Variants in ZNF362 observed in about 807,000 individuals in gnomAD.
The protein encoded by ZNF362 is rotund homolog.
A neutral mutation model predicts 42.9 loss-of-function variants in ZNF362; 11 were observed. That is an observed-to-expected ratio of 0.26 (90% CI 0.16 to 0.42). ZNF362 has a LOEUF of 0.42. ZNF362 is among the 20% of genes least tolerant of loss of function. The probability of loss-of-function intolerance (pLI) is 1.00; values close to 1 mark genes in which losing one functional copy is unlikely to be tolerated. For missense variants in ZNF362, 362 were observed against 576.2 expected (o/e 0.63, Z 3.81); for synonymous variants, 255 against 257.3 (o/e 0.99, Z 0.09).
chr1:33,294,073 G>A lies in ZNF362; in HGVS notation c.909-864G>A, dbSNP rs1031318847. On this transcript the variant is annotated intron_variant, in intron 6 of 8. Transcript: ENST00000539719. The surrounding 1 kb of genome is among the most constrained non-coding windows in gnomAD (Gnocchi z 4.2). ...CCAGGCAGTGGCTTTTGTCTGTTTT[G>A]TTCATGATATATTCCAAATACCTAG... Among the ~76,000 whole-genome samples the A allele has an allele frequency of 1.2e-4, 19 of 152,046 alleles. No individual in the cohort carries two copies. Among genetic ancestry groups the A allele is most frequent in the African/African-American group, 4.6e-4 (19 of 41,390 alleles).
chr1:33,197,400 C>T, the ZNF362 span, among the ~76,000 whole-genome samples: 2 of 152,076 alleles, frequency 1.3e-5, no homozygotes, highest in Admixed American at 6.6e-5. Flanking sequence ...TCTGGAGAAC[C>T]CTGACTAATA....
chr1:33,165,337 T>A, the ZNF362 span: 1 of 754,206 alleles, frequency 1.3e-6, no homozygotes, highest in Non-Finnish European at 2.1e-6. This position sits in a 1 kb window ranked among gnomAD's most constrained non-coding sequence, Gnocchi z 4.0. Flanking sequence ...CCCTTCTCAC[T>A]CCAGGTTTGG....
At chr1:33,170,568 C>T in the ZNF362 span, among the ~76,000 whole-genome samples, 4 of 152,238 alleles carry the variant, frequency 2.6e-5, no homozygotes, top group Admixed American at 2.6e-4. Flanking sequence ...CAGAGTTCAC[C>T]TCGAAAGGGT....
chr1:33,149,405 C>T, the ZNF362 span, among the ~76,000 whole-genome samples: 2,524 of 151,750 alleles, frequency 0.017, 68 homozygotes, highest in African/African-American at 0.058. Flanking sequence ...CTGCCCACCT[C>T]GGCCTCCCAA....
chr1:33,209,987 C>A, the ZNF362 span, among the ~76,000 whole-genome samples: 1 of 151,856 alleles, frequency 6.6e-6, no homozygotes, highest in East Asian at 1.9e-4. Flanking sequence ...TTTGTTTGCT[C>A]TTCCTTCTCT....
At chr1:33,217,489 C>T in the ZNF362 span, among the ~76,000 whole-genome samples, 487 of 152,320 alleles carry the variant, frequency 3.2e-3, 19 homozygotes, top group East Asian at 0.083. Flanking sequence ...CTCCAGATCT[C>T]TGCACCCCAC....
the ZNF362 span, among the ~76,000 whole-genome samples, chr1:33,150,083 G>T: frequency 2.0e-5 from 3 of 152,246 alleles, no homozygotes; most frequent in African/African-American, 7.2e-5. Flanking sequence ...TCTGCTCCCT[G>T]AGGGAGCTGA....
chr1:33,190,890 G>A, the ZNF362 span, among the ~76,000 whole-genome samples: 31 of 152,148 alleles, frequency 2.0e-4, no homozygotes, highest in Admixed American at 3.3e-4. Flanking sequence ...GTTCCTGTGA[G>A]CATCACCCTA....
intron 4 of ZNF362, among the ~76,000 whole-genome samples, chr1:33,277,358 C>T (rs941309142): frequency 1.3e-5 from 2 of 152,252 alleles, no homozygotes; most frequent in African/African-American, 4.8e-5. Flanking sequence ...GCTCCAGAGC[C>T]TGTATCTTCA....
At chr1:33,194,412 C>G in the ZNF362 span, among the ~76,000 whole-genome samples, 2 of 151,262 alleles carry the variant, frequency 1.3e-5, no homozygotes, top group Non-Finnish European at 2.9e-5. Context: ...TGGCACATAT[C>G]TGTAGTTCCA....
chr1:33,202,754 T>A, the ZNF362 span, among the ~76,000 whole-genome samples: 8 of 151,948 alleles, frequency 5.3e-5, no homozygotes, highest in Admixed American at 3.3e-4. Context: ...AGAAAAAAAA[T>A]TTATAAAAGC....
the ZNF362 span, among the ~76,000 whole-genome samples, chr1:33,222,235 C>T: frequency 1.3e-5 from 2 of 152,128 alleles, no homozygotes; most frequent in Non-Finnish European, 2.9e-5. Flanking sequence ...ACTATACCTT[C>T]CCCATACTTC....
chr1:33,237,323 T>C, the ZNF362 span, among the ~76,000 whole-genome samples: 1 of 152,116 alleles, frequency 6.6e-6, no homozygotes, highest in Non-Finnish European at 1.5e-5. Context: ...CTGTTGTTGT[T>C]GTTAAGAGCA....
rs755462638 is a variant in ZNF362, at chr1:33,276,121, C to T, written c.60C>T (p.Asn20=). The change falls in exon 3 of 9, where the codon AAC becomes AAT. Residue 20 remains asparagine (N), a synonymous_variant. Transcript: ENST00000539719. ...GCAGGATGGCCGAGCCTCGATTTAACAACCCCTACTTCTGGCCCCCTCCTC... is the reference window on the plus strand; with the variant it reads ...GCAGGATGGCCGAGCCTCGATTTAATAACCCCTACTTCTGGCCCCCTCCTC... ...GHSRMAEPRF[N]NPYFWPPPPT... is the part of the protein sequence containing the mutation. The T allele has an allele frequency of 1.2e-5, 19 of 1,614,056 alleles. No homozygotes were observed. The highest frequency in any genetic ancestry group is 1.5e-5 in the Non-Finnish European group (18 of 1,180,022).
chr1:33,135,245 G>A, the ZNF362 span, among the ~76,000 whole-genome samples: 6 of 152,136 alleles, frequency 3.9e-5, no homozygotes, highest in Admixed American at 6.5e-5. Flanking sequence ...CTGAGATGGC[G>A]CCACTGCACT....
the ZNF362 span, among the ~76,000 whole-genome samples, chr1:33,173,996 T>G: frequency 4.3e-3 from 649 of 151,928 alleles, 7 homozygotes; most frequent in African/African-American, 0.015. Flanking sequence ...TAAGCCACTG[T>G]GCTTAGCCTC....
At chr1:33,137,836 G>A in the ZNF362 span, among the ~76,000 whole-genome samples, 1 of 152,134 alleles carries the variant, frequency 6.6e-6, no homozygotes, top group Non-Finnish European at 1.5e-5. Flanking sequence ...AGGCACTGTC[G>A]CTTGCCCAAC....
At chr1:33,179,631 C>A in the ZNF362 span, among the ~76,000 whole-genome samples, 1 of 152,138 alleles carries the variant, frequency 6.6e-6, no homozygotes, top group South Asian at 2.1e-4. Context: ...ATTCATTTGG[C>A]CTTTATTGGT....
At chr1:33,225,616 T>C in the ZNF362 span, among the ~76,000 whole-genome samples, 3 of 152,146 alleles carry the variant, frequency 2.0e-5, no homozygotes, top group African/African-American at 7.2e-5. Context: ...ATGGGGTAGA[T>C]AGACAGACAG....
Sources: allele counts gnomAD v4.1 joint callset (sites outside exome capture counted in the v4.1 genomes callset), GRCh38; gene constraint gnomAD v4.1.1; non-coding constraint Gnocchi (gnomAD v3.1); transcripts MANE v1.5; gene names NCBI Gene and HGNC (gene_info 2026-07-23, HGNC 2026-07-21).